The following FARS2 variants were observed in gnomAD, a reference collection of about 807,000 sequenced individuals.
The protein encoded by FARS2 is phenylalanyl-tRNA synthetase 2, mitochondrial, also known as phenylalanine--tRNA ligase, mitochondrial.
In FARS2, 40 loss-of-function variants were observed where a neutral mutation model predicts 46.4. The ratio of observed to expected loss-of-function variants is 0.86; its 90% CI spans 0.67 to 1.12. FARS2 has a LOEUF of 1.12. Ranked by LOEUF, FARS2 falls within the 50% of genes most tolerant of loss-of-function variation. The pLI is 0.00. For synonymous variants in FARS2, 234 were observed against 214.9 expected (o/e 1.09, Z -0.78); for missense variants, 513 against 567.9 (o/e 0.90, Z 0.98).
intron 6 of FARS2, among the ~76,000 whole-genome samples, chr6:5,717,006 C>T (rs1201584406): frequency 6.6e-6 from 1 of 152,220 alleles, no homozygotes; most frequent in Non-Finnish European, 1.5e-5. Flanking sequence ...TGATCTAATA[C>T]TAATAGACTG....
At chr6:5,410,480 C>G (rs1217400960) in intron 3 of FARS2, among the ~76,000 whole-genome samples, 4 of 152,066 alleles carry the variant, frequency 2.6e-5, no homozygotes, top group African/African-American at 9.7e-5. Flanking sequence ...CTATTTCAGG[C>G]ATTTCAGAAG....
chr6:5,719,064 C>T (rs1582825469), intron 6 of FARS2, among the ~76,000 whole-genome samples: 1 of 152,088 alleles, frequency 6.6e-6, no homozygotes, highest in Admixed American at 6.6e-5. Flanking sequence ...CCCTCTCCTA[C>T]GGATTTAGTT....
intron 1 of FARS2, among the ~76,000 whole-genome samples, chr6:5,298,886 T>TA (rs1768085809): frequency 7.0e-6 from 1 of 142,648 alleles, no homozygotes; most frequent in Non-Finnish European, 1.5e-5. Flanking sequence ...AAAAAAAAGA[T>TA]ACAAAAATGT....
intron 4 of FARS2, among the ~76,000 whole-genome samples, chr6:5,438,239 A>ACC (rs1182394280): frequency 4.0e-4 from 21 of 52,684 alleles, no homozygotes; most frequent in East Asian, 7.4e-4. Flanking sequence ...GCTTCTACCC[A>ACC]CCCCCCGCCC....
At chr6:5,697,232 A>G (rs780977207) in intron 6 of FARS2, among the ~76,000 whole-genome samples, 1 of 152,212 alleles carries the variant, frequency 6.6e-6, no homozygotes, top group Non-Finnish European at 1.5e-5. Flanking sequence ...AAGAGAGCAA[A>G]TTGATGGCCG....
chr6:5,589,786 TTTTA>T (rs1308620162), intron 5 of FARS2, among the ~76,000 whole-genome samples: 6 of 152,224 alleles, frequency 3.9e-5, no homozygotes, highest in Non-Finnish European at 8.8e-5. Flanking sequence ...CAAGTAGATA[TTTTA>T]TTTTTCTCTA....
intron 6 of FARS2, among the ~76,000 whole-genome samples, chr6:5,752,521 G>A (rs920284507): frequency 2.6e-5 from 4 of 152,148 alleles, no homozygotes; most frequent in African/African-American, 7.2e-5. Flanking sequence ...CGCTTCAAAT[G>A]CCACAAACAG....
intron 5 of FARS2, among the ~76,000 whole-genome samples, chr6:5,568,113 G>T (rs559712751): frequency 6.6e-6 from 1 of 152,224 alleles, no homozygotes; most frequent in East Asian, 1.9e-4. Context: ...GCTTCTGTCT[G>T]GTCTGTCTCT....
At chr6:5,338,813 G>A (rs1248844755) in intron 1 of FARS2, among the ~76,000 whole-genome samples, 1 of 152,184 alleles carries the variant, frequency 6.6e-6, no homozygotes, top group Non-Finnish European at 1.5e-5. Context: ...GAACGAGTGA[G>A]TGCAGGGCTG....
chr6:5,733,167 G>A (rs1316299541), intron 6 of FARS2, among the ~76,000 whole-genome samples: 3 of 152,300 alleles, frequency 2.0e-5, no homozygotes, highest in East Asian at 1.9e-4. Flanking sequence ...TTAGATTTTT[G>A]AAGAGAAGCA....
intron 4 of FARS2, among the ~76,000 whole-genome samples, chr6:5,538,890 C>T (rs752291564): frequency 5.9e-5 from 9 of 152,104 alleles, no homozygotes; most frequent in East Asian, 1.9e-4. Context: ...GATGATTATG[C>T]GAATGAAAGG....
chr6:5,339,793 G>T (rs1024989223), intron 1 of FARS2, among the ~76,000 whole-genome samples: 4 of 152,134 alleles, frequency 2.6e-5, no homozygotes, highest in Non-Finnish European at 4.4e-5. Context: ...AACTTATAAA[G>T]CATAAATGAA....
chr6:5,549,342 C>T (rs1219637057), intron 5 of FARS2, among the ~76,000 whole-genome samples: 1 of 152,202 alleles, frequency 6.6e-6, no homozygotes, highest in Non-Finnish European at 1.5e-5. Flanking sequence ...TCCCCCCACT[C>T]CACGACAGAC....
At chr6:5,303,582 T>G (rs971410135) in intron 1 of FARS2, among the ~76,000 whole-genome samples, 1 of 152,022 alleles carries the variant, frequency 6.6e-6, no homozygotes, top group African/African-American at 2.4e-5. Context: ...TAGACAAATG[T>G]GTTTGCGGCC....
chr6:5,328,453 C>T (rs1770554291), intron 1 of FARS2, among the ~76,000 whole-genome samples: 1 of 152,128 alleles, frequency 6.6e-6, no homozygotes, highest in African/African-American at 2.4e-5. Context: ...TTAGCAGTGT[C>T]ATGTCATGAA....
At position 5,407,607 on chromosome 6, in the gene FARS2, T is replaced by G. The variant is rs535742002; in HGVS notation, c.772+2906T>G. Among the ~76,000 whole-genome samples the G allele has an allele frequency of 1.4e-4, 21 of 152,314 alleles. No homozygotes were observed. In the East Asian group the frequency reaches 4.0e-3, roughly 29 times the overall value. ...GTTTCAAATGGATTTATAATGTTTT[T>G]TTTTTTAAACTAAAGTTAAATATGA... On this transcript the variant is annotated intron_variant, in intron 3 of 6. Coordinates refer to ENST00000274680, the MANE Select transcript of FARS2 (RefSeq NM_006567.5).
chr6:5,322,654 T>C (rs946291194), intron 1 of FARS2, among the ~76,000 whole-genome samples: 3 of 152,186 alleles, frequency 2.0e-5, no homozygotes, highest in Non-Finnish European at 4.4e-5. Flanking sequence ...AGTGGGACCC[T>C]TGGTGTTCTG....
rs554286953 is a variant in FARS2 at position 5,690,376 on chromosome 6, C to G, written c.1217+77056C>G. On this transcript the variant is annotated intron_variant, in intron 6 of 6. Coordinates refer to ENST00000274680, the MANE Select transcript of FARS2 (RefSeq NM_006567.5). The stretch of plus-strand genomic sequence containing the variant: ...ATGTTTAGTGCTTCCTTCAGGAGCT[C>G]TTTTAGGGCAGGCCTGGTGGTGACA... Among the ~76,000 whole-genome samples the G allele has an allele frequency of 2.4e-4, 37 of 151,670 alleles. 1 individual carries two copies. In the South Asian group the frequency reaches 7.5e-3, roughly 31 times the overall value.
intron 1 of FARS2, among the ~76,000 whole-genome samples, chr6:5,330,462 C>A (rs902400147): frequency 4.6e-5 from 7 of 151,996 alleles, no homozygotes; most frequent in African/African-American, 1.7e-4. Flanking sequence ...CACGGGTACC[C>A]CAGGAACATT....
Sources: allele counts gnomAD v4.1 joint callset (sites outside exome capture counted in the v4.1 genomes callset), GRCh38; gene constraint gnomAD v4.1.1; transcripts MANE v1.5; gene names NCBI Gene and HGNC (gene_info 2026-07-23, HGNC 2026-07-21).